PCSK5: variants seen among roughly 807,000 people sequenced by gnomAD.
PCSK5 encodes prohormone convertase 5.
Under a neutral mutation model 233.2 loss-of-function variants are expected in PCSK5, and 129 were observed. The ratio of observed to expected loss-of-function variants is 0.55; its 90% confidence interval spans 0.48 to 0.64. The LOEUF is 0.64. Ranked by LOEUF, PCSK5 falls within the 30% of genes least tolerant of loss-of-function variation. The pLI is 0.00. For missense variants in PCSK5, 2,076 were observed against 2,430.1 expected, an observed-to-expected ratio of 0.85 and a Z score of 3.06; for synonymous variants, 825 against 879.2, an observed-to-expected ratio of 0.94 and a Z score of 1.09.
chr9:76,350,352 A>G (rs576620153), intron 35 of PCSK5, among the ~76,000 whole-genome samples: 6 of 152,298 alleles, frequency 3.9e-5, no homozygotes, highest in Admixed American at 3.3e-4. Context: ...CCCCAAAATT[A>G]AGAACCACCA....
At chr9:76,050,384 A>G (rs1044157563) in intron 5 of PCSK5, among the ~76,000 whole-genome samples, 1 of 152,220 alleles carries the variant, frequency 6.6e-6, no homozygotes, top group Non-Finnish European at 1.5e-5. Context: ...ACAAAAATCA[A>G]AATTATAATT....
chr9:75,989,096 C>T (rs549152054), intron 3 of PCSK5, among the ~76,000 whole-genome samples: 122 of 152,254 alleles, frequency 8.0e-4, no homozygotes, highest in Admixed American at 2.2e-3. Flanking sequence ...GGTTCCATAC[C>T]TTATGCTTCT....
At chr9:75,903,169 T>C (rs1826114654) in intron 1 of PCSK5, among the ~76,000 whole-genome samples, 1 of 152,214 alleles carries the variant, frequency 6.6e-6, no homozygotes, top group Admixed American at 6.5e-5. Context: ...ATGCCTTTCA[T>C]GTATTCTTAG....
intron 2 of PCSK5, among the ~76,000 whole-genome samples, chr9:75,942,347 G>A (rs1824348977): frequency 6.6e-6 from 1 of 152,224 alleles, no homozygotes; most frequent in African/African-American, 2.4e-5. Flanking sequence ...ATGACCCCTT[G>A]GGTTGGCTGT....
chr9:75,967,755 C>T (rs758438866), intron 2 of PCSK5, among the ~76,000 whole-genome samples: 30 of 104,248 alleles, frequency 2.9e-4, no homozygotes, highest in Non-Finnish European at 4.3e-4. Context: ...GCCTCAAGGG[C>T]AGTGCCCAGC....
intron 7 of PCSK5, among the ~76,000 whole-genome samples, chr9:76,087,640 A>G (rs1831119700): frequency 2.6e-5 from 4 of 152,364 alleles, no homozygotes; most frequent in Middle Eastern, 3.4e-3. Flanking sequence ...TGCATTTGAT[A>G]TGCTCAGGAA....
intron 5 of PCSK5, among the ~76,000 whole-genome samples, chr9:76,046,975 G>C (rs1829436691): frequency 6.6e-6 from 1 of 152,208 alleles, no homozygotes; most frequent in South Asian, 2.1e-4. Flanking sequence ...AAGAAAAGCA[G>C]ACATAATGGC....
At chr9:76,245,614 T>C (rs1380481638) in intron 24 of PCSK5, among the ~76,000 whole-genome samples, 1 of 152,180 alleles carries the variant, frequency 6.6e-6, no homozygotes, top group African/African-American at 2.4e-5. Flanking sequence ...CCAAGTATAC[T>C]AATTTTGCAG....
intron 2 of PCSK5, among the ~76,000 whole-genome samples, chr9:75,978,869 C>CGTT (rs1554668521): frequency 7.8e-6 from 1 of 128,044 alleles, no homozygotes; most frequent in Non-Finnish European, 1.6e-5. Flanking sequence ...GAATGTTTCC[C>CGTT]TTTTTTTTTT....
At chr9:75,923,372 A>C (rs1823338210) in intron 1 of PCSK5, among the ~76,000 whole-genome samples, 1 of 152,160 alleles carries the variant, frequency 6.6e-6, no homozygotes, top group African/African-American at 2.4e-5. Context: ...TGAATAGATA[A>C]GTCATTTACT....
intron 2 of PCSK5, among the ~76,000 whole-genome samples, chr9:75,965,763 A>G (rs1825557873): frequency 1.3e-5 from 2 of 152,126 alleles, no homozygotes; most frequent in African/African-American, 2.4e-5. Context: ...TGGTAAGGCT[A>G]TTTCCCCCAT....
At chr9:76,313,406 AC>A (rs1211353986) in intron 30 of PCSK5, among the ~76,000 whole-genome samples, 1 of 152,120 alleles carries the variant, frequency 6.6e-6, no homozygotes, top group Non-Finnish European at 1.5e-5. Flanking sequence ...CTAGAAAGAA[AC>A]CCTATACCCT....
intron 28 of PCSK5, among the ~76,000 whole-genome samples, chr9:76,308,098 G>A (rs1828757468): frequency 6.6e-6 from 1 of 152,156 alleles, no homozygotes; most frequent in Admixed American, 6.5e-5. Context: ...TTGGGAGATT[G>A]AGGCAGGAGA....
intron 30 of PCSK5, among the ~76,000 whole-genome samples, chr9:76,313,249 TTGAG>T (rs933699086): frequency 4.6e-5 from 7 of 152,176 alleles, no homozygotes; most frequent in Non-Finnish European, 1.0e-4. Flanking sequence ...TCTTGTACAA[TTGAG>T]TATTTTTTAA....
intron 32 of PCSK5, among the ~76,000 whole-genome samples, chr9:76,325,519 T>C (rs1829333926): frequency 6.6e-6 from 1 of 152,222 alleles, no homozygotes; most frequent in South Asian, 2.1e-4. Flanking sequence ...ATGGCAATTT[T>C]CTGCATTTTT....
intron 2 of PCSK5, among the ~76,000 whole-genome samples, chr9:75,941,280 C>A (rs1445257279): frequency 6.6e-6 from 1 of 152,100 alleles, no homozygotes; most frequent in Admixed American, 6.5e-5. Flanking sequence ...GCTCATCCAG[C>A]TGTGTGGGCT....
chr9:76,353,419 G>A (rs1289280634), intron 36 of PCSK5, among the ~76,000 whole-genome samples: 2 of 152,142 alleles, frequency 1.3e-5, no homozygotes, highest in African/African-American at 4.8e-5. Flanking sequence ...AGGCCAAGCA[G>A]GTCACTAACA....
intron 9 of PCSK5, among the ~76,000 whole-genome samples, chr9:76,119,683 A>G (rs1183981624): frequency 6.6e-6 from 1 of 151,906 alleles, no homozygotes; most frequent in African/African-American, 2.4e-5. Flanking sequence ...GTATGTGTAT[A>G]TATTTATGGG....
chr9:76,177,963 T>A (rs1018801236), intron 14 of PCSK5, among the ~76,000 whole-genome samples: 3 of 148,232 alleles, frequency 2.0e-5, no homozygotes, highest in East Asian at 1.9e-4. Context: ...TTTTTTTTTT[T>A]AATTCTAGAA....
Sources: gnomAD v4.1 joint callset for allele counts (sites outside exome capture counted in the v4.1 genomes callset) on GRCh38, gnomAD v4.1.1 for gene constraint, MANE v1.5 for transcripts, NCBI Gene and HGNC (gene_info 2026-07-23, HGNC 2026-07-21) for gene names.